NSD3: variants seen among roughly 807,000 people sequenced by gnomAD.
The protein encoded by NSD3 is nuclear receptor binding SET domain protein 3, also known as histone-lysine N-methyltransferase NSD3.
Under a neutral mutation model 160.8 loss-of-function variants are expected in NSD3, and 24 were observed. That is an observed-to-expected ratio of 0.15 (90% CI 0.11 to 0.21). The LOEUF (loss-of-function observed/expected upper bound fraction) is 0.21. NSD3 is among the 10% of genes least tolerant of loss of function. NSD3 has a pLI of 1.00. For synonymous variants in NSD3, 520 were observed against 600.0 expected, an observed-to-expected ratio of 0.87 and a Z score of 1.95; for missense variants, 1,157 against 1,735.9, an observed-to-expected ratio of 0.67 and a Z score of 5.93.
rs780258408 is a variant in NSD3, at chr8:38,326,901, C to A, written c.1582-45G>T. 3 of 1,607,122 alleles carry A rather than the reference C, an allele frequency of 1.9e-6. No homozygotes were observed. The East Asian group carries it at 6.7e-5, about 36-fold the overall frequency. ...AAAAAACAACAAAACAGGTGATTAC[C>A]AGGCAAGTGGCATCATGGGCTTATA... On this transcript the variant is annotated intron_variant, in intron 6 of 23. Coordinates refer to ENST00000317025, the MANE Select transcript of NSD3 (RefSeq NM_023034.2).
rs898111737 is a variant in NSD3 at position 38,288,417 on chromosome 8, T to C, written c.3501+70A>G. On this transcript the variant is annotated intron_variant, in intron 19 of 23. Transcript: ENST00000317025. This position sits in a 1 kb window ranked among gnomAD's most constrained non-coding sequence, Gnocchi z 4.5. ...CCTGCTGATTTTATCCCTAGAACTA[T>C]ACCCTACTGAAGCATTCCTGAAAAG... is the stretch of plus-strand genomic sequence containing the variant. The C allele has an allele frequency of 4.5e-6, 7 of 1,552,996 alleles. No individual in the cohort carries two copies. Among genetic ancestry groups the C allele is most frequent in the African/African-American group, 2.7e-5 (2 of 73,064 alleles).
rs1304765252 is a variant in NSD3, at chr8:38,382,246, C to CCCG, written c.-495_-493dup. On this transcript the variant is annotated 5_prime_UTR_variant, in exon 1 of 24. Coordinates refer to ENST00000317025, the MANE Select transcript of NSD3 (RefSeq NM_023034.2). The surrounding 1 kb of genome is among the most constrained non-coding windows in gnomAD (Gnocchi z 4.2). ...CGTGCTGGCCGCCGCCGCCGCCTCTCCCGCCGCCGCCGCGCACAAAGCCCC... is the reference window on the plus strand; with the variant it reads ...CGTGCTGGCCGCCGCCGCCGCCTCTCCCGCCGCCGCCGCCGCGCACAAAGCCCC... 3 of 169,988 alleles carry CCCG rather than the reference C, an allele frequency of 1.8e-5. No homozygotes were observed. The highest frequency in any genetic ancestry group is 1.5e-4 in the South Asian group (1 of 6,476). 10.5% of individuals were successfully genotyped at this position (169,988 alleles called of 1,614,324 possible). A position where few individuals can be genotyped will look rare whatever the true frequency, so the allele number is the denominator to read the frequency against.
chr8:38,279,936 G>C, intron 20 of NSD3: 1 of 389,652 alleles, frequency 2.6e-6, no homozygotes, highest in Admixed American at 4.0e-5. Context: ...ATAGACCATG[G>C]AATAATGCTA....
Position 38,318,326 on chromosome 8 carries a change from C to G in NSD3, c.1855+569G>C, listed in dbSNP as rs1396747079. 1.3e-5 allele frequency among the ~76,000 whole-genome samples: 2 copies of G among 152,190 alleles called. No individual in the cohort carries two copies. The highest frequency in any genetic ancestry group is 2.9e-5 in the Non-Finnish European group (2 of 68,038). ...CATGCTATGGAGTTTGTACTGTAGT[C>G]AAATTGCACACAGAAAATACAGATA... On this transcript the variant is annotated intron_variant, in intron 9 of 23. Transcript: ENST00000317025. This position sits in a 1 kb window ranked among gnomAD's most constrained non-coding sequence, Gnocchi z 5.3.
rs377414317 is a variant in NSD3 at position 38,374,705 on chromosome 8, C to G, written c.-45+7094G>C. Among the ~76,000 whole-genome samples, 29 of 152,208 alleles carry G rather than the reference C, an allele frequency of 1.9e-4. No homozygotes were observed. The South Asian group carries it at 5.8e-3, about 30-fold the overall frequency. On this transcript the variant is annotated intron_variant, in intron 1 of 23. Transcript: ENST00000317025. ...AAATCTTAATTTTCCCATCTTAAGA[C>G]TGAGTTAAATAATTCTTGCCTGGGC...
chr8:38,381,473 C>T (rs1399402263), intron 1 of NSD3: 1 of 147,792 alleles, frequency 6.8e-6, no homozygotes, highest in African/African-American at 2.5e-5. Flanking sequence ...CCTCCCCGAT[C>T]CATCCTTATC....
At chr8:38,377,135 C>T (rs921749406) in intron 1 of NSD3, among the ~76,000 whole-genome samples, 4 of 152,302 alleles carry the variant, frequency 2.6e-5, no homozygotes, top group South Asian at 2.1e-4. Context: ...TCAGTGCAAC[C>T]TCCGCCTCCT....
intron 1 of NSD3, among the ~76,000 whole-genome samples, chr8:38,367,699 G>A (rs192950256): frequency 1.6e-4 from 24 of 152,192 alleles, no homozygotes; most frequent in African/African-American, 4.3e-4. Context: ...GTGACAGAGT[G>A]AGACTCTGTC....
intron 6 of NSD3, among the ~76,000 whole-genome samples, chr8:38,327,622 C>T (rs1809948563): frequency 6.6e-6 from 1 of 152,176 alleles, no homozygotes; most frequent in African/African-American, 2.4e-5. Context: ...CTGTATCACT[C>T]AATTTTCTAT....
At chr8:38,349,953 G>A (rs1016157661) in intron 1 of NSD3, among the ~76,000 whole-genome samples, 1 of 150,696 alleles carries the variant, frequency 6.6e-6, no homozygotes, top group African/African-American at 2.4e-5. Flanking sequence ...TTTTGTCCTT[G>A]CAATAGTTTG....
chr8:38,320,890 A>C, intron 8 of NSD3, 182 bp downstream of exon 8: 1 of 458,340 alleles, frequency 2.2e-6, no homozygotes, highest in Non-Finnish European at 3.8e-6. Context: ...AAATGCTTGA[A>C]GCAGAATCAC....
chr8:38,329,992 A>C lies in NSD3; in HGVS notation c.1066-99T>G. 7.2e-7 allele frequency: 1 copy of C among 1,385,912 alleles called. No homozygotes were observed. The highest frequency in any genetic ancestry group is 2.3e-5 in the Admixed American group (1 of 42,682). The allele number at this position is 1,385,912 out of a possible 1,614,324, so 85.9% of individuals were successfully genotyped here. ...GTGATCCTGTTATCTTTTCAGGTCTACATAAATATCTTCAGGTTCTTTGGT... is the reference window on the plus strand; with the variant it reads ...GTGATCCTGTTATCTTTTCAGGTCTCCATAAATATCTTCAGGTTCTTTGGT... On this transcript the variant is annotated intron_variant, in intron 5 of 23. Coordinates refer to ENST00000317025, the MANE Select transcript of NSD3 (RefSeq NM_023034.2). The surrounding 1 kb of genome is among the most constrained non-coding windows in gnomAD (Gnocchi z 4.8).
At chr8:38,307,020 CAGG>C (rs1197644512) in intron 12 of NSD3, among the ~76,000 whole-genome samples, 2 of 150,582 alleles carry the variant, frequency 1.3e-5, no homozygotes, top group African/African-American at 4.9e-5. Context: ...GAGGCAGAGG[CAGG>C]AGAATGGCGT....
intron 4 of NSD3, among the ~76,000 whole-genome samples, chr8:38,335,186 C>A (rs1197224533): frequency 6.6e-6 from 1 of 152,104 alleles, no homozygotes; most frequent in East Asian, 1.9e-4. Context: ...TGGGGTTTCA[C>A]CATATTGGCC....
Position 38,315,013 on chromosome 8 carries a change from T to C in NSD3, c.2116-240A>G, listed in dbSNP as rs1405039873. ...AATTACAGTATTTCCAGATACAATA[T>C]GGTATAAAGTTTAAAGTCATACTTG... On this transcript the variant is annotated intron_variant, in intron 11 of 23. Coordinates refer to ENST00000317025, the MANE Select transcript of NSD3 (RefSeq NM_023034.2). Among the ~76,000 whole-genome samples the C allele has an allele frequency of 2.0e-5, 3 of 152,256 alleles. No homozygotes were observed. In the East Asian group the frequency reaches 5.8e-4, roughly 29 times the overall value.
chr8:38,324,889 C>A (rs1585887576), intron 7 of NSD3, among the ~76,000 whole-genome samples: 2 of 152,214 alleles, frequency 1.3e-5, no homozygotes, highest in African/African-American at 4.8e-5. Context: ...TTGCTGAACA[C>A]ACGAAGGTGC....
chr8:38,320,099 A>T (rs1449291062), intron 8 of NSD3: 1 of 152,208 alleles, frequency 6.6e-6, no homozygotes, highest in Non-Finnish European at 1.5e-5. Context: ...AATATGATAA[A>T]TGAATGACAA....
chr8:38,300,952 T>C (rs1809262173), intron 14 of NSD3, among the ~76,000 whole-genome samples: 1 of 152,184 alleles, frequency 6.6e-6, no homozygotes, highest in African/African-American at 2.4e-5. Context: ...TTGAAATTAC[T>C]AACAATATGA....
At chr8:38,354,491 G>A (rs950292958) in intron 1 of NSD3, among the ~76,000 whole-genome samples, 10 of 152,182 alleles carry the variant, frequency 6.6e-5, no homozygotes, top group African/African-American at 2.4e-4. Context: ...TCAAGGTTCT[G>A]ATAATGCTAT....
Sources: gnomAD v4.1 joint callset for allele counts (sites outside exome capture counted in the v4.1 genomes callset) on GRCh38, gnomAD v4.1.1 for gene constraint, Gnocchi (gnomAD v3.1) non-coding constraint, MANE v1.5 for transcripts, NCBI Gene and HGNC (gene_info 2026-07-23, HGNC 2026-07-21) for gene names.